The following MAPT variants were observed in gnomAD, a reference collection of about 807,000 sequenced individuals.
The protein encoded by MAPT is microtubule associated protein tau.
A neutral mutation model predicts 67.9 loss-of-function variants in MAPT; 34 were observed. The observed-to-expected ratio is 0.50, with a 90% CI of 0.38 to 0.67. The LOEUF is 0.67. Among genes scored for constraint, MAPT ranks in the 30% least tolerant of loss-of-function variants. The probability of loss-of-function intolerance (pLI) is 0.00; values close to 1 mark genes in which losing one functional copy is unlikely to be tolerated. For missense variants in MAPT, 881 were observed against 1,115.2 expected, an observed-to-expected ratio of 0.79 and a Z score of 2.99; for synonymous variants, 456 against 464.5, an observed-to-expected ratio of 0.98 and a Z score of 0.23.
At position 45,904,377 on chromosome 17, in the gene MAPT, T is replaced by TA. The variant is rs1230471766; in HGVS notation, c.-18+9692dup. On this transcript the variant is annotated intron_variant, in intron 1 of 12. Coordinates refer to ENST00000262410, the MANE Select transcript of MAPT (RefSeq NM_001377265.1). ...TATATTATATATATTAAATATATTTTATATATATTATATATATATACACAT... is the reference window on the plus strand; with the variant it reads ...TATATTATATATATTAAATATATTTTAATATATATTATATATATATACACAT... 3.5e-5 allele frequency among the ~76,000 whole-genome samples: 3 copies of TA among 86,086 alleles called. 1 individual carries two copies. Among genetic ancestry groups the TA allele is most frequent in the South Asian group, 5.2e-4 (2 of 3,812 alleles). 56.5% of individuals were successfully genotyped at this position (86,086 alleles called of 152,430 possible). A position where few individuals can be genotyped will look rare whatever the true frequency, so the allele number is the denominator to read the frequency against.
intron 10 of MAPT, among the ~76,000 whole-genome samples, chr17:46,011,109 G>A (rs1443830665): frequency 6.6e-6 from 1 of 152,242 alleles, no homozygotes; most frequent in Non-Finnish European, 1.5e-5. Flanking sequence ...AGATTTGGCT[G>A]CCTCTTGCCA....
At chr17:46,023,339 G>A (rs1461627334) in intron 12 of MAPT, among the ~76,000 whole-genome samples, 1 of 152,230 alleles carries the variant, frequency 6.6e-6, no homozygotes, top group African/African-American at 2.4e-5. Context: ...CAGAGGAGTA[G>A]ATGCCTTTTG....
At position 45,996,719 on chromosome 17, in the gene MAPT, G is replaced by A. The variant is rs2074507371; in HGVS notation, c.1998+55G>A. The A allele has an allele frequency of 1.9e-6, 3 of 1,600,008 alleles. No homozygotes were observed. The African/African-American group carries it at 4.0e-5, about 21-fold the overall frequency. The stretch of plus-strand genomic sequence containing the variant: ...TGGGGGGCTGCGCCTGGAGGGGTAG[G>A]GCTGTGCCTGGAAGGGTAGGGCTGC... On this transcript the variant is annotated intron_variant, in intron 9 of 12. Coordinates refer to ENST00000262410, the MANE Select transcript of MAPT (RefSeq NM_001377265.1). This position sits in a 1 kb window ranked among gnomAD's most constrained non-coding sequence, Gnocchi z 4.5.
chr17:45,953,029 T>TGATGAC (rs1276258875), intron 1 of MAPT, among the ~76,000 whole-genome samples: 2 of 151,720 alleles, frequency 1.3e-5, no homozygotes, highest in African/African-American at 4.8e-5. Context: ...ATGATGATGA[T>TGATGAC]GATGACACCT....
At chr17:45,920,161 C>T (rs560652409) in intron 1 of MAPT, among the ~76,000 whole-genome samples, 3 of 152,190 alleles carry the variant, frequency 2.0e-5, no homozygotes, top group East Asian at 1.9e-4. Context: ...ACACGTCCGG[C>T]GGCTCTGGTG....
chr17:45,951,288 G>C (rs2069049979), intron 1 of MAPT, among the ~76,000 whole-genome samples: 1 of 152,216 alleles, frequency 6.6e-6, no homozygotes. Flanking sequence ...AGAGGTGATA[G>C]TTGTACAACA....
chr17:45,917,782 T>G (rs1332745918), intron 1 of MAPT, among the ~76,000 whole-genome samples: 3 of 112,664 alleles, frequency 2.7e-5, no homozygotes, highest in Non-Finnish European at 4.8e-5. Context: ...TTTTTTTTTT[T>G]TCTTTTTTTT....
chr17:46,017,238 C>T (rs1031939853), intron 11 of MAPT, among the ~76,000 whole-genome samples: 13 of 152,152 alleles, frequency 8.5e-5, no homozygotes, highest in African/African-American at 3.1e-4. Context: ...TTGTCCCATG[C>T]TTGGGCATGG....
chr17:45,998,821 C>T lies in MAPT; in HGVS notation c.1998+2157C>T, dbSNP rs73317016. ...GTTCTCGAAAGTCGCCTCCAGAAGC[C>T]CCATCTTGGGACCACCGTGACTTTC... On this transcript the variant is annotated intron_variant, in intron 9 of 12. Transcript: ENST00000262410. Among the ~76,000 whole-genome samples the T allele has an allele frequency of 4.3e-3, 652 of 152,210 alleles. 8 individuals carry two copies. The highest frequency in any genetic ancestry group is 0.015 in the African/African-American group (632 of 41,530).
chr17:45,960,524 G>A lies in MAPT; in HGVS notation c.-17-1797G>A, dbSNP rs185131347. Among the ~76,000 whole-genome samples, 70 of 152,368 alleles carry A rather than the reference G, an allele frequency of 4.6e-4. 1 individual carries two copies. The South Asian group carries it at 0.011, about 23-fold the overall frequency. On this transcript the variant is annotated intron_variant, in intron 1 of 12. Transcript: ENST00000262410. Reference sequence around the variant, plus strand: ...ATGATTGTCAAAGTCTGGTATGGCAGGATGTCAACAGTAATCGTTTCTGGG... The same window carrying A: ...ATGATTGTCAAAGTCTGGTATGGCAAGATGTCAACAGTAATCGTTTCTGGG...
chr17:45,905,060 A>G (rs1173169760), intron 1 of MAPT, among the ~76,000 whole-genome samples: 1 of 152,094 alleles, frequency 6.6e-6, no homozygotes, highest in Admixed American at 6.6e-5. Flanking sequence ...CCCTATGAGC[A>G]GGGGAAATTC....
rs1207028977 is a variant in MAPT at position 45,971,124 on chromosome 17, TAGG to T, written c.134-722_134-720del. Among the ~76,000 whole-genome samples, 1 of 147,384 alleles carries T rather than the reference TAGG, an allele frequency of 6.8e-6. No homozygotes were observed. The highest frequency in any genetic ancestry group is 1.5e-5 in the Non-Finnish European group (1 of 64,678). On this transcript the variant is annotated intron_variant, in intron 2 of 12. Coordinates refer to ENST00000262410, the MANE Select transcript of MAPT (RefSeq NM_001377265.1). This position sits in a 1 kb window ranked among gnomAD's most constrained non-coding sequence, Gnocchi z 4.3. ...CAGGGAAGGGACAATTCAGCCCTTC[TAGG>T]AGGAGGAGGAGGTAGTTTTCTCATT...
intron 1 of MAPT, among the ~76,000 whole-genome samples, chr17:45,916,955 A>G (rs996820694): frequency 9.9e-5 from 15 of 151,898 alleles, no homozygotes; most frequent in African/African-American, 3.6e-4. Flanking sequence ...GGGCCCTCAG[A>G]CTCACCCGGC....
At chr17:46,005,487 G>A (rs2145949314) in intron 9 of MAPT, among the ~76,000 whole-genome samples, 1 of 152,320 alleles carries the variant, frequency 6.6e-6, no homozygotes, top group East Asian at 1.9e-4. Flanking sequence ...AAGCCTACAG[G>A]TGCTGAGGCT....
At chr17:46,023,385 G>GTATC (rs2076649228) in intron 12 of MAPT, among the ~76,000 whole-genome samples, 1 of 152,242 alleles carries the variant, frequency 6.6e-6, no homozygotes, top group Non-Finnish European at 1.5e-5. Flanking sequence ...AGCAGCCTGT[G>GTATC]TATCTATACA....
At chr17:45,930,466 T>C (rs1279835093) in intron 1 of MAPT, among the ~76,000 whole-genome samples, 1 of 150,088 alleles carries the variant, frequency 6.7e-6, no homozygotes, top group Non-Finnish European at 1.5e-5. Context: ...TGATATCAGG[T>C]TCCTGGAGAA....
chr17:45,925,230 G>A (rs1328896479), intron 1 of MAPT, among the ~76,000 whole-genome samples: 1 of 152,190 alleles, frequency 6.6e-6, no homozygotes, highest in East Asian at 1.9e-4. Flanking sequence ...TAGAATGGGC[G>A]GCCCCGGGCT....
rs1205003257 is a variant in MAPT, at chr17:45,896,635, G to C, written c.-18+1949G>C. On this transcript the variant is annotated intron_variant, in intron 1 of 12. Coordinates refer to ENST00000262410, the MANE Select transcript of MAPT (RefSeq NM_001377265.1). This position sits in a 1 kb window ranked among gnomAD's most constrained non-coding sequence, Gnocchi z 5.6. Reference sequence around the variant, plus strand: ...GCCCAGTCGGCCTCCTGGAGGACACGGGAGGAAGCCCCGAACCCCCGCGCC... The same window carrying C: ...GCCCAGTCGGCCTCCTGGAGGACACCGGAGGAAGCCCCGAACCCCCGCGCC... 1 of 152,308 alleles carries C rather than the reference G, an allele frequency of 6.6e-6. No homozygotes were observed. Among genetic ancestry groups the C allele is most frequent in the African/African-American group, 2.4e-5 (1 of 41,454 alleles). The allele number at this position is 152,308 out of a possible 1,614,324, so 9.4% of individuals were successfully genotyped here.
intron 9 of MAPT, among the ~76,000 whole-genome samples, chr17:45,998,285 T>G (rs2074677980): frequency 6.6e-6 from 1 of 151,192 alleles, no homozygotes; most frequent in African/African-American, 2.4e-5. Context: ...AGCTTGTGAG[T>G]GCAGTGTCAC....
Sources: allele counts gnomAD v4.1 joint callset (sites outside exome capture counted in the v4.1 genomes callset), GRCh38; gene constraint gnomAD v4.1.1; non-coding constraint Gnocchi (gnomAD v3.1); transcripts MANE v1.5; gene names NCBI Gene and HGNC (gene_info 2026-07-23, HGNC 2026-07-21).